Variants in AQR observed in about 807,000 individuals in gnomAD.
AQR encodes the protein aquarius intron-binding spliceosomal factor, also known as RNA helicase aquarius.
AQR carries 61 observed loss-of-function variants against 180.5 expected under a neutral mutation model. The observed-to-expected ratio is 0.34, with a 90% CI of 0.28 to 0.42. The LOEUF (loss-of-function observed/expected upper bound fraction) is 0.42. Ranked by LOEUF, AQR falls within the 10% of genes least tolerant of loss-of-function variation. AQR has a pLI of 1.00. For synonymous variants in AQR, 551 were observed against 588.8 expected (o/e 0.94, Z 0.93); for missense variants, 1,281 against 1,798.3 (o/e 0.71, Z 5.20).
chr15:34,856,877 G>T lies in AQR; in HGVS notation c.4373C>A (p.Thr1458Asn), dbSNP rs1892592975. The change falls in exon 35 of 35, where the codon ACC (threonine) becomes AAC (asparagine). Residue 1458 changes from threonine (T) to asparagine (N), a missense_variant. Physicochemically the swap from Thr to Asn is moderately conservative, Grantham distance 65. Transcript: ENST00000156471. ...PEAIPALSET[T>N]PTVVGAVSAP... ...AGATACAGCTCCTACCACAGTAGGG[G>T]TGGTCTCAGATAAAGCAGGGATGGC... 2 of 1,613,750 alleles carry T rather than the reference G, an allele frequency of 1.2e-6. No homozygotes were observed. The highest frequency in any genetic ancestry group is 8.5e-7 in the Non-Finnish European group (1 of 1,179,794).
In AQR at chr15:34,918,355, A is replaced by G. The variant is rs755402300; in HGVS notation, c.1245T>C (p.Ile415=). ...ELLVSRHERR[I]SQIQQLNQMP... ...TCTGGTTCAACTGCTGAATCTGAGAAATTCGACGTTCATGACGAGATACCT... is the reference window on the plus strand; with the variant it reads ...TCTGGTTCAACTGCTGAATCTGAGAGATTCGACGTTCATGACGAGATACCT... Residue 415 remains isoleucine, a synonymous_variant, in exon 15 of 35, where the codon ATT becomes ATC. Coordinates refer to ENST00000156471, the MANE Select transcript of AQR (RefSeq NM_014691.3). 6.2e-7 allele frequency: 1 copy of G among 1,613,712 alleles called. No individual in the cohort carries two copies. Among genetic ancestry groups the G allele is most frequent in the Non-Finnish European group, 8.5e-7 (1 of 1,179,882 alleles).
chr15:34,939,533 A>AT (rs1893993997), intron 8 of AQR, among the ~76,000 whole-genome samples: 1 of 152,266 alleles, frequency 6.6e-6, no homozygotes, highest in African/African-American at 2.4e-5. Flanking sequence ...AGTATAATAG[A>AT]GTATTACAAT....
chr15:34,897,417 T>A (rs763797793), intron 21 of AQR, 142 bp downstream of exon 21: 3 of 947,656 alleles, frequency 3.2e-6, no homozygotes, highest in South Asian at 3.3e-5. Context: ...TTCAGCTGAC[T>A]GACAGAATAG....
rs756048668 is a variant in AQR, at chr15:34,942,092, A to G, written c.472-12T>C. The G allele has an allele frequency of 1.9e-6, 3 of 1,606,154 alleles. No individual in the cohort carries two copies. The highest frequency in any genetic ancestry group is 2.6e-6 in the Non-Finnish European group (3 of 1,174,648). On this transcript the variant is annotated splice_polypyrimidine_tract_variant and intron_variant, in intron 6 of 34. Transcript: ENST00000156471. ...ATCAAGTCTACTTCCTGTTTAGGGC[A>G]TGAAGAAAATAAGTTTATAAACATA... is the stretch of plus-strand genomic sequence containing the variant.
At chr15:34,917,737 C>A (rs564000188) in intron 15 of AQR, among the ~76,000 whole-genome samples, 2 of 150,908 alleles carry the variant, frequency 1.3e-5, no homozygotes, top group Admixed American at 1.3e-4. Context: ...AATCCCAGCA[C>A]TTTGGGAGGC....
chr15:34,855,885 T>A lies in AQR; in HGVS notation c.*907A>T, dbSNP rs1017775574. 6 of 152,222 alleles carry A rather than the reference T, an allele frequency of 3.9e-5. No homozygotes were observed. The highest frequency in any genetic ancestry group is 8.8e-5 in the Non-Finnish European group (6 of 68,038). 9.4% of individuals were successfully genotyped at this position (152,222 alleles called of 1,614,324 possible). On this transcript the variant is annotated 3_prime_UTR_variant, in exon 35 of 35. Coordinates refer to ENST00000156471, the MANE Select transcript of AQR (RefSeq NM_014691.3). ...TGCCTTCCCATATTTGAACCACATTTTACCTGAAGGTCTCCTTGTGGCTGG... is the reference window on the plus strand; with the variant it reads ...TGCCTTCCCATATTTGAACCACATTATACCTGAAGGTCTCCTTGTGGCTGG...
At position 34,919,175 on chromosome 15, in the gene AQR, G is replaced by A. The variant is rs866586135; in HGVS notation, c.1222-797C>T. On this transcript the variant is annotated intron_variant, in intron 14 of 34. Transcript: ENST00000156471. ...AATTGCTTGAACCCGGGAGGCGGAA[G>A]TTGCAGTGAACCGAGATTGCACCAT... Among the ~76,000 whole-genome samples, 6 of 150,006 alleles carry A rather than the reference G, an allele frequency of 4.0e-5. 1 individual carries two copies. The highest frequency in any genetic ancestry group is 2.1e-4 in the South Asian group (1 of 4,784).
In AQR at chr15:34,944,388, T is replaced by C. The variant is rs1894077693; in HGVS notation, c.371A>G (p.Lys124Arg). The C allele has an allele frequency of 6.2e-7, 1 of 1,607,358 alleles. No homozygotes were observed. The highest frequency in any genetic ancestry group is 8.5e-7 in the Non-Finnish European group (1 of 1,177,786). Residue 124 changes from lysine to arginine, a missense_variant, in exon 6 of 35, where the codon AAA (lysine) becomes AGA (arginine). Transcript: ENST00000156471. ...AGCTAATGCCGCCTTCAAGATGTGT[T>C]TAAAAAAGAATGGGAAGTGGTCTGG... ...KKPDHFPFFFKHILKAALAET... is the reference protein window; with the variant it reads ...KKPDHFPFFFRHILKAALAET...
At position 34,940,909 on chromosome 15, in the gene AQR, C is replaced by T. The variant is rs776358199; in HGVS notation, c.631G>A (p.Ala211Thr). ...KKNDEKMDPE[A>T]REQAYQERRF... The stretch of plus-strand genomic sequence containing the variant: ...GCTCTGCCAACATACTGTTCTCTTG[C>T]TTCTGGATCCATCTTTTCATCATTC... Residue 211 changes from alanine (A) to threonine (T), a missense_variant, in exon 8 of 35, where the codon GCA becomes ACA. This residue lies in a region of AQR where 404 missense variants were observed against 490.9 expected (regional missense o/e 0.82). Transcript: ENST00000156471. 34 of 1,606,268 alleles carry T rather than the reference C, an allele frequency of 2.1e-5. No individual in the cohort carries two copies. The African/African-American group carries it at 4.0e-4, about 19-fold the overall frequency.
At chr15:34,889,006 T>C (rs528005554) in intron 24 of AQR, among the ~76,000 whole-genome samples, 61 of 152,232 alleles carry the variant, frequency 4.0e-4, no homozygotes, top group South Asian at 2.1e-4. Context: ...CCTGAAATCA[T>C]TGTAAAAATT....
intron 34 of AQR, among the ~76,000 whole-genome samples, chr15:34,857,316 A>G (rs1892600675): frequency 6.6e-6 from 1 of 152,248 alleles, no homozygotes; most frequent in African/African-American, 2.4e-5. Context: ...AAATACATAT[A>G]AAATCTTCAG....
intron 12 of AQR, among the ~76,000 whole-genome samples, chr15:34,927,618 G>A (rs1002845873): frequency 2.6e-5 from 4 of 152,224 alleles, no homozygotes; most frequent in African/African-American, 9.6e-5. Context: ...CCAACATAGG[G>A]TAAGCTGTAA....
chr15:34,933,353 A>G (rs1035483454), intron 10 of AQR, among the ~76,000 whole-genome samples: 7 of 152,206 alleles, frequency 4.6e-5, no homozygotes, highest in African/African-American at 1.7e-4. Context: ...ATTTTCTTTC[A>G]ATTTCTCTCA....
intron 1 of AQR, among the ~76,000 whole-genome samples, chr15:34,968,113 G>A (rs1312920466): frequency 6.6e-6 from 1 of 152,114 alleles, no homozygotes; most frequent in African/African-American, 2.4e-5. Context: ...GCGCCCGGCT[G>A]AAGATTTTAA....
At chr15:34,938,576 C>T (rs931448384) in intron 9 of AQR, among the ~76,000 whole-genome samples, 161 bp downstream of exon 9, 2 of 152,054 alleles carry the variant, frequency 1.3e-5, no homozygotes, top group African/African-American at 4.8e-5. Context: ...AAGGCAGTCC[C>T]AATACTCACA....
intron 2 of AQR, among the ~76,000 whole-genome samples, chr15:34,962,504 C>T (rs111545495): frequency 0.016 from 2,463 of 152,214 alleles, 35 homozygotes; most frequent in Non-Finnish European, 0.025. Context: ...TGTGGTGGCT[C>T]AAGCCTGTAA....
intron 1 of AQR, 107 bp from the exon 2 acceptor site, chr15:34,964,397 A>G (rs1355616897): frequency 7.8e-6 from 7 of 900,612 alleles, no homozygotes; most frequent in Middle Eastern, 2.1e-4. Flanking sequence ...CCTACTCGGC[A>G]CTGGGGGACA....
intron 26 of AQR, among the ~76,000 whole-genome samples, chr15:34,884,272 T>G (rs1489548984): frequency 6.6e-6 from 1 of 151,806 alleles, no homozygotes; most frequent in Non-Finnish European, 1.5e-5. Flanking sequence ...CTGGGCATGG[T>G]GGTGTGCACC....
intron 4 of AQR, among the ~76,000 whole-genome samples, chr15:34,952,429 T>C (rs1894248316): frequency 6.6e-6 from 1 of 152,238 alleles, no homozygotes; most frequent in Non-Finnish European, 1.5e-5. Context: ...TTCAGCATAC[T>C]GGCTACATCT....
Sources: allele counts gnomAD v4.1 joint callset (sites outside exome capture counted in the v4.1 genomes callset), GRCh38; gene constraint gnomAD v4.1.1; regional missense constraint gnomAD v4.1.1; transcripts MANE v1.5; gene names NCBI Gene and HGNC (gene_info 2026-07-23, HGNC 2026-07-21).